PTPRM: variants seen among roughly 807,000 people sequenced by gnomAD.
The protein encoded by PTPRM is protein tyrosine phosphatase receptor type M, also known as receptor-type tyrosine-protein phosphatase mu.
PTPRM carries 47 observed loss-of-function variants against 186.7 expected under a neutral mutation model. That is an observed-to-expected ratio of 0.25 (90% CI 0.20 to 0.32). The LOEUF (loss-of-function observed/expected upper bound fraction) is 0.32. Among genes scored for constraint, PTPRM ranks in the 10% least tolerant of loss-of-function variants. PTPRM has a pLI of 1.00. For synonymous variants in PTPRM, 668 were observed against 674.9 expected, an observed-to-expected ratio of 0.99 and a Z score of 0.16; for missense variants, 1,494 against 1,865.0, an observed-to-expected ratio of 0.80 and a Z score of 3.66.
At chr18:8,313,317 A>G (rs1254577903) in intron 20 of PTPRM, among the ~76,000 whole-genome samples, 6 of 152,232 alleles carry the variant, frequency 3.9e-5, no homozygotes, top group Admixed American at 3.9e-4. Flanking sequence ...GCTGGCTTTT[A>G]TCTGTTCTGA....
intron 1 of PTPRM, among the ~76,000 whole-genome samples, chr18:7,611,825 A>G (rs377685433): frequency 2.0e-5 from 3 of 152,196 alleles, no homozygotes; most frequent in East Asian, 1.9e-4. Context: ...GCCTTCTGCC[A>G]TGATTGTGAG....
At chr18:8,123,668 A>G (rs1181153154) in intron 13 of PTPRM, among the ~76,000 whole-genome samples, 1 of 152,172 alleles carries the variant, frequency 6.6e-6, no homozygotes, top group African/African-American at 2.4e-5. Flanking sequence ...TCTTCCCACA[A>G]GTAAAAGTAT....
intron 2 of PTPRM, among the ~76,000 whole-genome samples, chr18:7,876,943 C>T (rs1259226570): frequency 6.6e-6 from 1 of 152,042 alleles, no homozygotes; most frequent in Non-Finnish European, 1.5e-5. Context: ...GCTACTTAAC[C>T]CCTCTATGCC....
chr18:8,359,909 A>T (rs1011667782), intron 23 of PTPRM, among the ~76,000 whole-genome samples: 1 of 152,238 alleles, frequency 6.6e-6, no homozygotes, highest in Non-Finnish European at 1.5e-5. Context: ...CAATTTGCTG[A>T]AAAGCAGTAA....
At chr18:7,991,787 A>C (rs2147637186) in intron 7 of PTPRM, among the ~76,000 whole-genome samples, 1 of 152,250 alleles carries the variant, frequency 6.6e-6, no homozygotes, top group South Asian at 2.1e-4. Context: ...GAAAAAAATG[A>C]GCAGTGAATG....
At chr18:8,220,268 T>G (rs748663467) in intron 14 of PTPRM, among the ~76,000 whole-genome samples, 4 of 152,200 alleles carry the variant, frequency 2.6e-5, no homozygotes, top group Non-Finnish European at 5.9e-5. Context: ...CTTTAAAGTA[T>G]TTTTAGTGCT....
intron 20 of PTPRM, among the ~76,000 whole-genome samples, chr18:8,299,480 G>A (rs1002698842): frequency 2.0e-5 from 3 of 151,892 alleles, no homozygotes; most frequent in Admixed American, 6.6e-5. Context: ...CCAGCTACTC[G>A]GGAGGCTGAG....
chr18:8,289,777 A>G (rs1232151442), intron 19 of PTPRM, among the ~76,000 whole-genome samples: 5 of 151,846 alleles, frequency 3.3e-5, no homozygotes, highest in African/African-American at 1.2e-4. Flanking sequence ...ATTCTGCACA[A>G]TTTCACGTTG....
intron 2 of PTPRM, among the ~76,000 whole-genome samples, chr18:7,811,822 T>C (rs1462583990): frequency 6.6e-6 from 1 of 152,184 alleles, no homozygotes; most frequent in Admixed American, 6.5e-5. Flanking sequence ...TGGGCAATTA[T>C]AATCTATATT....
At chr18:7,891,242 T>C (rs1195546226) in intron 3 of PTPRM, among the ~76,000 whole-genome samples, 4 of 151,918 alleles carry the variant, frequency 2.6e-5, no homozygotes, top group African/African-American at 9.7e-5. Context: ...GCCGTGGTCA[T>C]GCCACTGCAC....
intron 19 of PTPRM, among the ~76,000 whole-genome samples, chr18:8,272,801 T>C (rs2094788706): frequency 6.6e-6 from 1 of 152,152 alleles, no homozygotes; most frequent in Non-Finnish European, 1.5e-5. Flanking sequence ...TTTGTTCACA[T>C]TTTCTGTATA....
intron 7 of PTPRM, among the ~76,000 whole-genome samples, chr18:7,975,107 C>A (rs557204423): frequency 2.0e-5 from 3 of 152,320 alleles, no homozygotes; most frequent in South Asian, 2.1e-4. Flanking sequence ...CAGAACACTG[C>A]CACACATCAA....
At chr18:7,813,663 C>A (rs2044650671) in intron 2 of PTPRM, among the ~76,000 whole-genome samples, 1 of 151,912 alleles carries the variant, frequency 6.6e-6, no homozygotes. Flanking sequence ...TCTCTATATT[C>A]TTTTAAGTAT....
intron 30 of PTPRM, among the ~76,000 whole-genome samples, chr18:8,386,177 G>C (rs577332739): frequency 3.3e-5 from 5 of 152,298 alleles, no homozygotes; most frequent in South Asian, 4.1e-4. Flanking sequence ...GGGAATATCA[G>C]GTGGGCCTTT....
At chr18:8,318,943 C>G (rs139710183) in intron 21 of PTPRM, among the ~76,000 whole-genome samples, 138 of 152,356 alleles carry the variant, frequency 9.1e-4, no homozygotes, top group Middle Eastern at 3.4e-3. Flanking sequence ...TCCATCATCT[C>G]ATAGCCAGTT....
rs2036470346 is a variant in PTPRM at position 7,568,016 on chromosome 18, GC to G, written c.73+127del. On this transcript the variant is annotated intron_variant, in intron 1 of 32. Coordinates refer to ENST00000580170, the MANE Select transcript of PTPRM (RefSeq NM_001105244.2). The surrounding 1 kb of genome is among the most constrained non-coding windows in gnomAD (Gnocchi z 5.1). ...CGGGGCCGGGCGGGGGGCGCGGCGG[GC>G]CGGACACCGCTTCTGCCTGTGAGCC... is the stretch of plus-strand genomic sequence containing the variant. 2 of 880,670 alleles carry G rather than the reference GC, an allele frequency of 2.3e-6. No individual in the cohort carries two copies. Among genetic ancestry groups the G allele is most frequent in the Non-Finnish European group, 1.5e-6 (1 of 651,094 alleles). The allele number at this position is 880,670 out of a possible 1,614,324, so 54.6% of individuals were successfully genotyped here. A position where few individuals can be genotyped will look rare whatever the true frequency, so the allele number is the denominator to read the frequency against.
intron 5 of PTPRM, among the ~76,000 whole-genome samples, chr18:7,943,219 A>G (rs1225070547): frequency 6.6e-6 from 1 of 151,954 alleles, no homozygotes; most frequent in African/African-American, 2.4e-5. Flanking sequence ...GCTCTTCTCC[A>G]GTGTAGACGG....
chr18:7,715,261 G>GATT (rs2040302227), intron 1 of PTPRM, among the ~76,000 whole-genome samples: 2 of 152,150 alleles, frequency 1.3e-5, no homozygotes, highest in Admixed American at 1.3e-4. Context: ...AAAACCACAT[G>GATT]ATTATGTCAA....
At chr18:7,976,376 T>G (rs1318690672) in intron 7 of PTPRM, among the ~76,000 whole-genome samples, 1 of 152,158 alleles carries the variant, frequency 6.6e-6, no homozygotes, top group African/African-American at 2.4e-5. Flanking sequence ...ACTATAGTAG[T>G]GGATATATGC....
Sources: allele counts gnomAD v4.1 joint callset (sites outside exome capture counted in the v4.1 genomes callset), GRCh38; gene constraint gnomAD v4.1.1; non-coding constraint Gnocchi (gnomAD v3.1); transcripts MANE v1.5; gene names NCBI Gene and HGNC (gene_info 2026-07-23, HGNC 2026-07-21).